DMD: variants seen among roughly 807,000 people sequenced by gnomAD.
DMD encodes mutant dystrophin.
Under a neutral mutation model 330.1 loss-of-function variants are expected in DMD, and 63 were observed. The ratio of observed to expected loss-of-function variants is 0.19; its 90% CI spans 0.16 to 0.24. The LOEUF (loss-of-function observed/expected upper bound fraction) is 0.24. Ranked by LOEUF, DMD falls within the 10% of genes least tolerant of loss-of-function variation. DMD has a pLI of 1.00. For synonymous variants in DMD, 1,223 were observed against 959.8 expected (o/e 1.27, Z -5.07); for missense variants, 3,344 against 2,684.1 (o/e 1.25, Z -5.43).
At chrX:32,295,763 C>T (rs2148502584) in intron 42 of DMD, among the ~76,000 whole-genome samples, 1 of 111,933 alleles carries the variant, frequency 8.9e-6, no homozygotes, top group East Asian at 2.8e-4. Flanking sequence ...TAACTATGCT[C>T]CATTCTTTAT....
chrX:32,033,370 A>T (rs751275605), intron 44 of DMD, among the ~76,000 whole-genome samples: 19 of 110,439 alleles, frequency 1.7e-4, no homozygotes, highest in Non-Finnish European at 3.6e-4. Context: ...AAGATGATAG[A>T]TCTCATGTTA....
rs747670491 is a variant in DMD at position 32,501,831 on chromosome X, T to C, written c.2304A>G (p.Arg768=). ...DLKEKVNAIE[R]EKAEKFRKLQ... ...GTTTTCTGAACTTCTCAGCTTTTTC[T>C]CGCTCTATGGCCTGCAGCATGAGAG... Residue 768 remains arginine, a synonymous_variant, in exon 19 of 79, where the codon CGA becomes CGG. Coordinates refer to ENST00000357033, the MANE Select transcript of DMD (RefSeq NM_004006.3). The C allele has an allele frequency of 5.0e-6, 6 of 1,201,183 alleles. No homozygotes were observed. In the Admixed American group the frequency reaches 1.3e-4, roughly 27 times the overall value.
intron 44 of DMD, among the ~76,000 whole-genome samples, chrX:32,001,863 G>A (rs1282488622): frequency 9.0e-6 from 1 of 111,531 alleles, no homozygotes; most frequent in Non-Finnish European, 1.9e-5. Context: ...TGACTGTTCT[G>A]AGAAACTTTG....
rs1163854705 is a variant in DMD, at chrX:33,058,471, A to AT, written c.32-38272dup. ...GGCTAATTTTGATTATTATTATTTT[A>AT]TTTTTTTTTTTTGTAGAGATGAGGT... On this transcript the variant is annotated intron_variant, in intron 1 of 78. Coordinates refer to ENST00000357033, the MANE Select transcript of DMD (RefSeq NM_004006.3). Among the ~76,000 whole-genome samples the AT allele has an allele frequency of 9.4e-3, 478 of 51,014 alleles. 1 individual carries two copies. Among genetic ancestry groups the AT allele is most frequent in the Non-Finnish European group, 0.012 (386 of 33,303 alleles). The allele number at this position is 51,014 out of a possible 115,157, so 44.3% of individuals were successfully genotyped here.
intron 60 of DMD, among the ~76,000 whole-genome samples, chrX:31,393,154 A>G (rs753991127): frequency 8.9e-6 from 1 of 112,218 alleles, no homozygotes; most frequent in Non-Finnish European, 1.9e-5. Flanking sequence ...CTTAGGGCAC[A>G]GTATAGTAAA....
chrX:32,756,163 A>G (rs1288563181), intron 7 of DMD: 1 of 112,479 alleles, frequency 8.9e-6, no homozygotes, highest in Non-Finnish European at 1.9e-5. Flanking sequence ...CACAGAAGAA[A>G]GAATTATCTC....
chrX:31,544,725 C>T (rs1052027076), intron 55 of DMD, among the ~76,000 whole-genome samples: 26 of 111,186 alleles, frequency 2.3e-4, no homozygotes, highest in African/African-American at 7.2e-4. Context: ...AATTCGCATG[C>T]TTTTATGTTG....
chrX:32,856,459 G>A (rs775881244), intron 2 of DMD, among the ~76,000 whole-genome samples: 1 of 108,976 alleles, frequency 9.2e-6, no homozygotes, highest in African/African-American at 3.3e-5. Flanking sequence ...ACATATATAC[G>A]TAGTGGAGTA....
At chrX:32,985,405 A>G (rs1291110625) in intron 2 of DMD, among the ~76,000 whole-genome samples, 1 of 112,205 alleles carries the variant, frequency 8.9e-6, no homozygotes, top group African/African-American at 3.2e-5. Context: ...TCCATTTACA[A>G]GGGAAAACGA....
intron 55 of DMD, among the ~76,000 whole-genome samples, chrX:31,551,651 G>A (rs1280791483): frequency 1.8e-5 from 2 of 112,314 alleles, no homozygotes; most frequent in Non-Finnish European, 3.8e-5. Context: ...CCAACTGAGC[G>A]AAAGCTGTGG....
chrX:32,201,253 A>G (rs2097034750), intron 44 of DMD, among the ~76,000 whole-genome samples: 1 of 112,114 alleles, frequency 8.9e-6, no homozygotes, highest in Non-Finnish European at 1.9e-5. Context: ...AATGAAAATC[A>G]TGTGAATGTG....
intron 30 of DMD, among the ~76,000 whole-genome samples, chrX:32,392,316 T>C (rs765021405): frequency 8.9e-6 from 1 of 111,789 alleles, no homozygotes; most frequent in Non-Finnish European, 1.9e-5. Flanking sequence ...TGGAACGCAA[T>C]AGCACGATCT....
At chrX:32,363,015 T>C (rs1044457389) in intron 36 of DMD, 57 bp from the exon 37 acceptor site, 62 of 1,099,582 alleles carry the variant, frequency 5.6e-5, no homozygotes, top group Middle Eastern at 2.6e-4. Flanking sequence ...AAGGTCAAGA[T>C]AGAAAAAGAG....
chrX:31,607,407 C>CAGAG (rs2148267370), intron 55 of DMD, among the ~76,000 whole-genome samples: 2 of 112,095 alleles, frequency 1.8e-5, no homozygotes, highest in South Asian at 7.4e-4. Flanking sequence ...AGAAGCCTTG[C>CAGAG]AGAGAGCCAA....
intron 44 of DMD, among the ~76,000 whole-genome samples, chrX:32,048,819 T>C (rs1603623245): frequency 9.0e-6 from 1 of 111,226 alleles, no homozygotes; most frequent in Non-Finnish European, 1.9e-5. Flanking sequence ...AGATTTACCC[T>C]AAAATTTTCA....
chrX:33,169,751 T>C (rs2049240668), intron 1 of DMD, among the ~76,000 whole-genome samples: 1 of 111,162 alleles, frequency 9.0e-6, no homozygotes, highest in Non-Finnish European at 1.9e-5. Context: ...ATGAGTTCTA[T>C]AGTGGTGAAT....
chrX:32,853,647 A>C (rs766680693), intron 2 of DMD, among the ~76,000 whole-genome samples: 64 of 110,137 alleles, frequency 5.8e-4, no homozygotes, highest in Admixed American at 2.0e-4. Context: ...CCTTCACTAA[A>C]AAGGAAGACA....
At chrX:32,433,831 A>G (rs2098248649) in intron 29 of DMD, among the ~76,000 whole-genome samples, 1 of 112,140 alleles carries the variant, frequency 8.9e-6, no homozygotes, top group African/African-American at 3.2e-5. Flanking sequence ...TTGTATTACT[A>G]AATCATCTTC....
chrX:32,654,362 G>A (rs964696559), intron 9 of DMD, among the ~76,000 whole-genome samples: 1 of 111,602 alleles, frequency 9.0e-6, no homozygotes, highest in Non-Finnish European at 1.9e-5. Flanking sequence ...TAGCATGAAG[G>A]TTGTTGAATT....
Sources: gnomAD v4.1 joint callset for allele counts (sites outside exome capture counted in the v4.1 genomes callset) on GRCh38, gnomAD v4.1.1 for gene constraint, MANE v1.5 for transcripts, NCBI Gene and HGNC (gene_info 2026-07-23, HGNC 2026-07-21) for gene names.